The following GTSF1 variants were observed in gnomAD, a reference collection of about 807,000 sequenced individuals.
GTSF1 encodes gametocyte-specific factor 1.
Under a neutral mutation model 28.9 loss-of-function variants are expected in GTSF1, and 11 were observed. The ratio of observed to expected loss-of-function variants is 0.38; its 90% CI spans 0.24 to 0.63. The LOEUF (loss-of-function observed/expected upper bound fraction) is 0.63. GTSF1 is among the 30% of genes least tolerant of loss of function. GTSF1 has a pLI of 0.56. For missense variants in GTSF1, 146 were observed against 201.0 expected (o/e 0.73, Z 1.66); for synonymous variants, 69 against 65.6 (o/e 1.05, Z -0.25).
intron 5 of GTSF1, among the ~76,000 whole-genome samples, 189 bp from the exon 6 acceptor site, chr12:54,462,361 T>C (rs1019543469): frequency 3.3e-5 from 5 of 152,102 alleles, no homozygotes; most frequent in Non-Finnish European, 7.4e-5. Context: ...ACAAGCAACA[T>C]AAATAATAAT....
intron 6 of GTSF1, among the ~76,000 whole-genome samples, chr12:54,461,178 C>T (rs563195958): frequency 2.0e-5 from 3 of 152,196 alleles, no homozygotes; most frequent in African/African-American, 7.2e-5. Context: ...ACTGCAGCCT[C>T]GACCTCCTGG....
intron 8 of GTSF1, 43 bp from the exon 9 acceptor site, chr12:54,456,196 T>A (rs1049330474): frequency 6.6e-6 from 1 of 152,246 alleles, no homozygotes; most frequent in Admixed American, 6.6e-5. Flanking sequence ...TTTTTTTCAA[T>A]GAAAAAAGCA....
At position 54,459,098 on chromosome 12, in the gene GTSF1, TAGGTATTC is replaced by T. The variant is rs1555167977; in HGVS notation, c.*3_*10del. ...AAACTGAAACACTTACTTGATGAGATAGGTATTCAGTTACTGTGCATTTCCATCTACAA... is the reference window on the plus strand; with the variant it reads ...AAACTGAAACACTTACTTGATGAGATAGTTACTGTGCATTTCCATCTACAA... On this transcript the variant is annotated 3_prime_UTR_variant, in exon 8 of 9. Coordinates refer to ENST00000305879, the MANE Select transcript of GTSF1 (RefSeq NM_144594.3). 1 of 1,599,846 alleles carries T rather than the reference TAGGTATTC, an allele frequency of 6.3e-7. No individual in the cohort carries two copies. Among genetic ancestry groups the T allele is most frequent in the Non-Finnish European group, 8.5e-7 (1 of 1,169,994 alleles).
chr12:54,470,379 C>A (rs1401593349), intron 2 of GTSF1, among the ~76,000 whole-genome samples: 1 of 152,152 alleles, frequency 6.6e-6, no homozygotes, highest in African/African-American at 2.4e-5. Context: ...TGCATGTTAA[C>A]AAGTTTGAGA....
intron 3 of GTSF1, among the ~76,000 whole-genome samples, chr12:54,463,649 G>A (rs959714257): frequency 6.6e-6 from 1 of 152,268 alleles, no homozygotes; most frequent in African/African-American, 2.4e-5. Context: ...TAATGAGAGA[G>A]CTCTCTGGAT....
chr12:54,459,978 G>A (rs1460908794), intron 7 of GTSF1, among the ~76,000 whole-genome samples: 1 of 121,922 alleles, frequency 8.2e-6, no homozygotes, highest in Non-Finnish European at 1.8e-5. Context: ...CGCCCGCCTC[G>A]GCCTCCCAAA....
chr12:54,465,206 A>C, intron 2 of GTSF1, 39 bp from the exon 3 acceptor site: 1 of 1,382,854 alleles, frequency 7.2e-7, no homozygotes. Flanking sequence ...AAACGATAAT[A>C]GGCCCTTGTA....
intron 7 of GTSF1, 192 bp from the exon 8 acceptor site, chr12:54,459,317 C>T (rs1372285894): frequency 1.4e-6 from 2 of 1,442,766 alleles, no homozygotes; most frequent in African/African-American, 2.9e-5. Flanking sequence ...ACCTACCAAG[C>T]CTTTTGACAT....
chr12:54,458,164 G>A (rs976371700), intron 8 of GTSF1, among the ~76,000 whole-genome samples: 2 of 152,142 alleles, frequency 1.3e-5, no homozygotes, highest in Non-Finnish European at 2.9e-5. Flanking sequence ...GAAGCAATGT[G>A]TCTGGGCAAC....
At chr12:54,465,202 T>A (rs772911413) in intron 2 of GTSF1, 35 bp from the exon 3 acceptor site, 6 of 1,403,326 alleles carry the variant, frequency 4.3e-6, no homozygotes, top group Admixed American at 1.7e-5. Context: ...GGTAAAACGA[T>A]AATAGGCCCT....
At chr12:54,458,507 G>A (rs1289344908) in intron 8 of GTSF1, among the ~76,000 whole-genome samples, 1 of 152,146 alleles carries the variant, frequency 6.6e-6, no homozygotes, top group African/African-American at 2.4e-5. Flanking sequence ...GAGTTGCTGG[G>A]ATTACAGGCG....
At chr12:54,464,591 A>T (rs977020592) in intron 3 of GTSF1, 1 of 152,326 alleles carries the variant, frequency 6.6e-6, no homozygotes, top group African/African-American at 2.4e-5. Flanking sequence ...GTTATTTATT[A>T]TTTTTTTAAA....
chr12:54,461,464 G>T (rs1220974034), intron 6 of GTSF1, among the ~76,000 whole-genome samples: 1 of 152,054 alleles, frequency 6.6e-6, no homozygotes, highest in Non-Finnish European at 1.5e-5. Context: ...CTTGAGGCCA[G>T]AAGTTTGAGA....
chr12:54,457,456 CT>C (rs1413764666), intron 8 of GTSF1, among the ~76,000 whole-genome samples: 1 of 152,140 alleles, frequency 6.6e-6, no homozygotes, highest in East Asian at 1.9e-4. Context: ...CTTCCAACCC[CT>C]TTTTTTAGAG....
Position 54,462,178 on chromosome 12 carries a change from A to G in GTSF1, c.329-6T>C. ...GCTGGTCTGCTCCCACAAATCTGTT[A>G]AAGGAAGCAAAACATAGTTTGTGGT... is the stretch of plus-strand genomic sequence containing the variant. On this transcript the variant is annotated splice_polypyrimidine_tract_variant and splice_region_variant and intron_variant, in intron 5 of 8. Transcript: ENST00000305879. The G allele has an allele frequency of 1.2e-6, 2 of 1,609,896 alleles. No individual in the cohort carries two copies. Among genetic ancestry groups the G allele is most frequent in the Non-Finnish European group, 1.7e-6 (2 of 1,176,272 alleles).
At chr12:54,460,983 G>A (rs1402567855) in intron 6 of GTSF1, among the ~76,000 whole-genome samples, 1 of 152,208 alleles carries the variant, frequency 6.6e-6, no homozygotes, top group Non-Finnish European at 1.5e-5. Context: ...GGGGAAAAAA[G>A]TGAAGTCTAG....
At chr12:54,457,234 AAGG>A (rs1241646371) in intron 8 of GTSF1, among the ~76,000 whole-genome samples, 2 of 152,250 alleles carry the variant, frequency 1.3e-5, no homozygotes, top group Non-Finnish European at 2.9e-5. Context: ...TTTAGTGTGT[AAGG>A]AGTTTAACCA....
chr12:54,462,191 CAT>C lies in GTSF1; in HGVS notation c.329-21_329-20del. The C allele has an allele frequency of 6.2e-7, 1 of 1,601,178 alleles. No homozygotes were observed. Among genetic ancestry groups the C allele is most frequent in the Non-Finnish European group, 8.6e-7 (1 of 1,168,672 alleles). On this transcript the variant is annotated intron_variant, in intron 5 of 8. Transcript: ENST00000305879. ...CACAAATCTGTTAAAGGAAGCAAAA[CAT>C]AGTTTGTGGTACTACTAGATAAGAC... is the stretch of plus-strand genomic sequence containing the variant.
At chr12:54,465,609 C>T (rs1298002863) in intron 2 of GTSF1, among the ~76,000 whole-genome samples, 3 of 152,062 alleles carry the variant, frequency 2.0e-5, no homozygotes, top group African/African-American at 7.2e-5. Context: ...TAGTTCAAGT[C>T]ATCCCCTACC....
Sources: gnomAD v4.1 joint callset for allele counts (sites outside exome capture counted in the v4.1 genomes callset) on GRCh38, gnomAD v4.1.1 for gene constraint, MANE v1.5 for transcripts, NCBI Gene and HGNC (gene_info 2026-07-23, HGNC 2026-07-21) for gene names.